The following ROBO1 variants were observed in gnomAD, a reference collection of about 807,000 sequenced individuals.
ROBO1 encodes the protein roundabout guidance receptor 1.
A neutral mutation model predicts 195.9 loss-of-function variants in ROBO1; 149 were observed. The observed-to-expected ratio is 0.76, with a 90% CI of 0.67 to 0.87. The LOEUF (loss-of-function observed/expected upper bound fraction) is 0.87. Ranked by LOEUF, ROBO1 falls within the 40% of genes least tolerant of loss-of-function variation. The pLI, the probability that ROBO1 is intolerant of heterozygous loss-of-function variation, is 0.00. For synonymous variants in ROBO1, 816 were observed against 733.2 expected, an observed-to-expected ratio of 1.11 and a Z score of -1.82; for missense variants, 1,933 against 2,068.3, an observed-to-expected ratio of 0.93 and a Z score of 1.27.
At chr3:79,225,073 C>T (rs1455297737) in intron 2 of ROBO1, among the ~76,000 whole-genome samples, 1 of 152,002 alleles carries the variant, frequency 6.6e-6, no homozygotes, top group African/African-American at 2.4e-5. Context: ...TAGGAAAGAA[C>T]ATTCCAGAGA....
At chr3:79,732,167 A>G (rs1367273887) in intron 1 of ROBO1, among the ~76,000 whole-genome samples, 1 of 151,950 alleles carries the variant, frequency 6.6e-6, no homozygotes, top group Non-Finnish European at 1.5e-5. Flanking sequence ...GTGTATGTAA[A>G]CATACCTAAA....
rs566838748 is a variant in ROBO1, at chr3:78,854,128, T to C, written c.499+84473A>G. Among the ~76,000 whole-genome samples, 3 of 151,926 alleles carry C rather than the reference T, an allele frequency of 2.0e-5. No individual in the cohort carries two copies. In the East Asian group the frequency reaches 5.8e-4, roughly 29 times the overall value. ...ACTGCCTTTGGATTCAAGACGGCAA[T>C]ATCCACTCTTCCCTGAGTCCTTAAT... On this transcript the variant is annotated intron_variant, in intron 4 of 30. Coordinates refer to ENST00000464233, the MANE Select transcript of ROBO1 (RefSeq NM_002941.4).
intron 1 of ROBO1, among the ~76,000 whole-genome samples, chr3:79,738,685 A>C (rs1703494874): frequency 6.6e-6 from 1 of 152,204 alleles, no homozygotes; most frequent in African/African-American, 2.4e-5. Context: ...TATTCAAAGT[A>C]AATATGACTT....
intron 3 of ROBO1, among the ~76,000 whole-genome samples, chr3:79,043,755 T>G (rs1456219305): frequency 6.6e-6 from 1 of 152,158 alleles, no homozygotes; most frequent in Admixed American, 6.6e-5. Context: ...CACCTACAGC[T>G]AAACTAGGCA....
chr3:79,146,841 G>T (rs572943171), intron 2 of ROBO1, among the ~76,000 whole-genome samples: 1 of 151,898 alleles, frequency 6.6e-6, no homozygotes, highest in Non-Finnish European at 1.5e-5. Context: ...AAAAAGCAAA[G>T]AAGTGGCCAG....
intron 10 of ROBO1, among the ~76,000 whole-genome samples, chr3:78,681,716 AAC>A (rs1261100703): frequency 1.3e-5 from 2 of 152,132 alleles, no homozygotes; most frequent in African/African-American, 4.8e-5. Flanking sequence ...CATCCTGGCT[AAC>A]ACGGTGAAAC....
chr3:78,776,562 T>C (rs1402522627), intron 4 of ROBO1, among the ~76,000 whole-genome samples: 1 of 152,236 alleles, frequency 6.6e-6, no homozygotes, highest in Non-Finnish European at 1.5e-5. Context: ...AATGCTTTAA[T>C]GGAGTTTCAA....
intron 2 of ROBO1, among the ~76,000 whole-genome samples, chr3:79,405,232 G>A (rs1404949127): frequency 6.6e-6 from 1 of 152,126 alleles, no homozygotes; most frequent in Non-Finnish European, 1.5e-5. Context: ...GAAGTGTAAT[G>A]ATATGGAGAT....
rs1226275291 is a variant in ROBO1, at chr3:79,415,451, T to A, written c.88+174373A>T. Among the ~76,000 whole-genome samples the A allele has an allele frequency of 2.0e-5, 3 of 152,032 alleles. No homozygotes were observed. The East Asian group carries it at 5.8e-4, about 29-fold the overall frequency. ...GAGAAATGAAGAATAAATAAGTACA[T>A]GTGGGGCAAAAACGAGACAAGCAGA... On this transcript the variant is annotated intron_variant, in intron 2 of 30. Coordinates refer to ENST00000464233, the MANE Select transcript of ROBO1 (RefSeq NM_002941.4).
intron 2 of ROBO1, among the ~76,000 whole-genome samples, chr3:79,518,332 A>C (rs1368338088): frequency 6.6e-6 from 1 of 152,158 alleles, no homozygotes; most frequent in Non-Finnish European, 1.5e-5. Flanking sequence ...AGGGGAAGGG[A>C]AGAAGACAAA....
At chr3:79,053,307 G>A (rs929740750) in intron 3 of ROBO1, among the ~76,000 whole-genome samples, 8 of 151,560 alleles carry the variant, frequency 5.3e-5, no homozygotes, top group East Asian at 2.0e-4. Context: ...CCCACCTAAC[G>A]ATTCTGAGAC....
At position 78,704,661 on chromosome 3, in the gene ROBO1, C is replaced by CAAAAA. The variant is rs1160098731; in HGVS notation, c.1045+9731_1045+9735dup. On this transcript the variant is annotated intron_variant, in intron 8 of 30. Transcript: ENST00000464233. ...ACAACATAGTGAGACCTCATCTCTCCAAAAAAAAAAAAAAAAAAAAAGGAA... is the reference window on the plus strand; with the variant it reads ...ACAACATAGTGAGACCTCATCTCTCCAAAAAAAAAAAAAAAAAAAAAAAAAAGGAA... 4.8e-3 allele frequency among the ~76,000 whole-genome samples: 294 copies of CAAAAA among 61,642 alleles called. 2 individuals carry two copies. The highest frequency in any genetic ancestry group is 0.015 in the African/African-American group (277 of 18,836). The allele number at this position is 61,642 out of a possible 152,430, so 40.4% of individuals were successfully genotyped here. A position where few individuals can be genotyped will look rare whatever the true frequency, so the allele number is the denominator to read the frequency against.
chr3:78,711,397 TC>T (rs1489993775), intron 8 of ROBO1, among the ~76,000 whole-genome samples: 2 of 48,878 alleles, frequency 4.1e-5, no homozygotes, highest in South Asian at 7.8e-4. Flanking sequence ...CTTCCTTCCT[TC>T]CTTTCTTTCT....
At position 78,920,303 on chromosome 3, in the gene ROBO1, AT is replaced by A. The variant is rs150538858; in HGVS notation, c.499+18297del. The stretch of plus-strand genomic sequence containing the variant: ...AACATAAGGATTATAGGCATGGACA[AT>A]TTTTTTTTTCTTTTTTTTGAGATGG... On this transcript the variant is annotated intron_variant, in intron 4 of 30. Transcript: ENST00000464233. Among the ~76,000 whole-genome samples, 410 of 149,642 alleles carry A rather than the reference AT, an allele frequency of 2.7e-3. 3 individuals carry two copies. Among genetic ancestry groups the A allele is most frequent in the African/African-American group, 9.2e-3 (374 of 40,846 alleles).
chr3:78,758,452 G>C (rs1213637573), intron 4 of ROBO1, among the ~76,000 whole-genome samples: 1 of 148,026 alleles, frequency 6.8e-6, no homozygotes. Context: ...TGAGCCCAGA[G>C]GTCAAGAAGG....
intron 3 of ROBO1, among the ~76,000 whole-genome samples, chr3:78,988,056 A>C (rs2077153123): frequency 6.6e-6 from 1 of 152,180 alleles, no homozygotes; most frequent in Admixed American, 6.5e-5. Flanking sequence ...TTGGTGAGTA[A>C]ATAGACATGG....
chr3:79,391,085 T>G (rs890476929), intron 2 of ROBO1, among the ~76,000 whole-genome samples: 2 of 145,472 alleles, frequency 1.4e-5, no homozygotes, highest in South Asian at 4.3e-4. Context: ...ATTCCTTGAG[T>G]CCCAGTCTGG....
chr3:78,864,983 T>C (rs1197545846), intron 4 of ROBO1, among the ~76,000 whole-genome samples: 1 of 152,200 alleles, frequency 6.6e-6, no homozygotes, highest in Non-Finnish European at 1.5e-5. Flanking sequence ...TTTTTGTATT[T>C]GGTGGCAATA....
intron 3 of ROBO1, among the ~76,000 whole-genome samples, chr3:78,946,256 T>C (rs2040436623): frequency 6.6e-6 from 1 of 152,152 alleles, no homozygotes; most frequent in Non-Finnish European, 1.5e-5. Flanking sequence ...GAAAAAATGT[T>C]AAGGGCAGCC....
Sources: gnomAD v4.1 joint callset for allele counts (sites outside exome capture counted in the v4.1 genomes callset) on GRCh38, gnomAD v4.1.1 for gene constraint, MANE v1.5 for transcripts, NCBI Gene and HGNC (gene_info 2026-07-23, HGNC 2026-07-21) for gene names.